FRYL: variants seen among roughly 807,000 people sequenced by gnomAD.
The protein encoded by FRYL is FRY like transcription coactivator, also known as protein furry homolog-like.
In FRYL, 150 loss-of-function variants were observed where a neutral mutation model predicts 351.2. That is an observed-to-expected ratio of 0.43 (90% CI 0.37 to 0.49). The LOEUF (loss-of-function observed/expected upper bound fraction) is 0.49. Ranked by LOEUF, FRYL falls within the 20% of genes least tolerant of loss-of-function variation. The probability of loss-of-function intolerance (pLI) is 0.00; values close to 1 mark genes in which losing one functional copy is unlikely to be tolerated. For synonymous variants in FRYL, 1,153 were observed against 1,257.1 expected, an observed-to-expected ratio of 0.92 and a Z score of 1.75; for missense variants, 3,036 against 3,619.3, an observed-to-expected ratio of 0.84 and a Z score of 4.13.
chr4:48,752,747 T>C (rs1284985448), intron 1 of FRYL, among the ~76,000 whole-genome samples: 1 of 152,254 alleles, frequency 6.6e-6, no homozygotes. Context: ...AGAGTTCACA[T>C]TACTATTGTC....
At chr4:48,610,841 TA>T (rs1387742981) in intron 7 of FRYL, among the ~76,000 whole-genome samples, 2 of 149,722 alleles carry the variant, frequency 1.3e-5, no homozygotes, top group Non-Finnish European at 3.0e-5. Context: ...TGTATACATA[TA>T]TACACTCAAT....
chr4:48,779,309 ACAGGCCGAGTCAG>A (rs1405041868), intron 1 of FRYL, among the ~76,000 whole-genome samples: 1 of 152,192 alleles, frequency 6.6e-6, no homozygotes, highest in African/African-American at 2.4e-5. Context: ...CAGGCAATCT[ACAGGCCGAGTCAG>A]CTCGCGGGCG....
intron 4 of FRYL, among the ~76,000 whole-genome samples, chr4:48,632,873 G>A (rs989874120): frequency 2.8e-4 from 42 of 152,016 alleles, no homozygotes; most frequent in African/African-American, 1.0e-3. Context: ...CTTTCTTCCT[G>A]CCCTGTCCTC....
At chr4:48,701,106 T>C (rs1766668364) in intron 2 of FRYL, among the ~76,000 whole-genome samples, 1 of 152,198 alleles carries the variant, frequency 6.6e-6, no homozygotes, top group African/African-American at 2.4e-5. Context: ...AATGTGACTT[T>C]AGAAAATTGA....
intron 1 of FRYL, among the ~76,000 whole-genome samples, chr4:48,720,775 A>G (rs905200739): frequency 1.4e-4 from 21 of 152,314 alleles, no homozygotes; most frequent in East Asian, 3.9e-4. Flanking sequence ...TATTTCACTA[A>G]GCGTGATGTC....
intron 7 of FRYL, 89 bp from the exon 8 acceptor site, chr4:48,609,912 A>C (rs776602): frequency 0.21 from 119,627 of 568,630 alleles, 13,834 homozygotes; most frequent in Admixed American, 0.38. Context: ...ATCAATAATC[A>C]ATCTTAATGT....
Position 48,523,068 on chromosome 4 carries a change from T to C in FRYL, c.7354A>G (p.Arg2452Gly). ...SMDNFNWGVR[R>G]RSLDSIDKGD... ...TTGTCAATACTGTCCAGTGAGCGCC[T>C]GCGAACTCCCCAGTTGAAATTGTCC... Residue 2452 changes from arginine (R) to glycine (G), a missense_variant, in exon 54 of 64, where the codon AGG becomes GGG. By Grantham distance (125) the Arg-to-Gly change is moderately radical. This residue lies in a region of FRYL where 1,987 missense variants were observed against 2,311.7 expected (regional missense o/e 0.86). Coordinates refer to ENST00000358350, the MANE Select transcript of FRYL (RefSeq NM_015030.2). The C allele has an allele frequency of 1.9e-6, 3 of 1,613,816 alleles. No homozygotes were observed. Among genetic ancestry groups the C allele is most frequent in the Non-Finnish European group, 2.5e-6 (3 of 1,179,906 alleles).
chr4:48,722,612 C>T (rs1769613914), intron 1 of FRYL, among the ~76,000 whole-genome samples: 1 of 152,136 alleles, frequency 6.6e-6, no homozygotes, highest in Admixed American at 6.5e-5. Context: ...TTCTTCTGAT[C>T]ACAGTACAAA....
In FRYL at chr4:48,602,132, C is replaced by G. The variant is rs745511924; in HGVS notation, c.934-11G>C. 7.5e-7 allele frequency: 1 copy of G among 1,338,414 alleles called. No homozygotes were observed. Among genetic ancestry groups the G allele is most frequent in the Non-Finnish European group, 1.1e-6 (1 of 935,614 alleles). 82.9% of individuals were successfully genotyped at this position (1,338,414 alleles called of 1,614,324 possible). On this transcript the variant is annotated splice_polypyrimidine_tract_variant and intron_variant, in intron 12 of 63. Transcript: ENST00000358350. ...TAGTGGATATAAAGCCTATAGGAGA[C>G]GGGGAAAAGACAGAATTAACATTTT...
intron 3 of FRYL, among the ~76,000 whole-genome samples, chr4:48,662,703 A>T (rs1179917975): frequency 1.3e-5 from 2 of 150,302 alleles, no homozygotes; most frequent in Non-Finnish European, 3.0e-5. Context: ...AGGTGGGCAG[A>T]TCAATTGAGC....
At chr4:48,589,448 G>A (rs1464868612) in intron 18 of FRYL, among the ~76,000 whole-genome samples, 6 of 150,098 alleles carry the variant, frequency 4.0e-5, no homozygotes, top group Admixed American at 4.0e-4. Context: ...AACCAATCAT[G>A]CCCACATACA....
At chr4:48,653,654 G>A (rs1758164782) in intron 3 of FRYL, 3 of 1,126,842 alleles carry the variant, frequency 2.7e-6, no homozygotes, top group Non-Finnish European at 3.5e-6. Context: ...CAGCATGCAA[G>A]GAATGGCAAT....
chr4:48,628,463 T>TGTGTGTGTGTG (rs1578418587), intron 4 of FRYL, among the ~76,000 whole-genome samples: 47 of 150,964 alleles, frequency 3.1e-4, no homozygotes, highest in South Asian at 8.4e-4. Context: ...TGTGTGTGTG[T>TGTGTGTGTGTG]TTAAAGGTGA....
chr4:48,631,441 CATTATTATT>C (rs377595565), intron 4 of FRYL, among the ~76,000 whole-genome samples: 2 of 151,556 alleles, frequency 1.3e-5, no homozygotes, highest in Admixed American at 1.3e-4. Flanking sequence ...AGAATGAAAA[CATTATTATT>C]ATTATTATTA....
chr4:48,596,253 A>G (rs1230991620), intron 13 of FRYL, among the ~76,000 whole-genome samples: 1 of 152,192 alleles, frequency 6.6e-6, no homozygotes, highest in Non-Finnish European at 1.5e-5. Flanking sequence ...AAATAAAATT[A>G]TACTAGTATT....
intron 43 of FRYL, among the ~76,000 whole-genome samples, 167 bp downstream of exon 43, chr4:48,544,616 T>A (rs1730940484): frequency 6.6e-6 from 1 of 152,194 alleles, no homozygotes; most frequent in African/African-American, 2.4e-5. Context: ...TTTTAAGTAG[T>A]AACTTAATTT....
Position 48,510,221 on chromosome 4 carries a change from T to C in FRYL, c.8296-64A>G, listed in dbSNP as rs987362294. On this transcript the variant is annotated intron_variant, in intron 58 of 63. Coordinates refer to ENST00000358350, the MANE Select transcript of FRYL (RefSeq NM_015030.2). ...GATTGAAATCATGAGACTCACAAAA[T>C]CATGAGACTTTTCAGTCATGGAATA... 4.2e-6 allele frequency: 5 copies of C among 1,197,466 alleles called. No individual in the cohort carries two copies. In the Admixed American group the frequency reaches 6.8e-5, roughly 16 times the overall value. 74.2% of individuals were successfully genotyped at this position (1,197,466 alleles called of 1,614,324 possible). A position where few individuals can be genotyped will look rare whatever the true frequency, so the allele number is the denominator to read the frequency against.
At chr4:48,529,096 G>A (rs980267171) in intron 50 of FRYL, among the ~76,000 whole-genome samples, 3 of 152,052 alleles carry the variant, frequency 2.0e-5, no homozygotes, top group Admixed American at 2.0e-4. Context: ...AACACACCAT[G>A]CTCTTTTATA....
chr4:48,605,401 A>G (rs1746567214), intron 11 of FRYL, among the ~76,000 whole-genome samples: 1 of 152,198 alleles, frequency 6.6e-6, no homozygotes, highest in South Asian at 2.1e-4. Flanking sequence ...AAACAGTTCA[A>G]TTTTTCAACA....
Sources: allele counts gnomAD v4.1 joint callset (sites outside exome capture counted in the v4.1 genomes callset), GRCh38; gene constraint gnomAD v4.1.1; regional missense constraint gnomAD v4.1.1; transcripts MANE v1.5; gene names NCBI Gene and HGNC (gene_info 2026-07-23, HGNC 2026-07-21).